ACVR1C: variants seen among roughly 807,000 people sequenced by gnomAD.
The protein encoded by ACVR1C is activin receptor type-1C.
A neutral mutation model predicts 57.9 loss-of-function variants in ACVR1C; 23 were observed. The observed-to-expected ratio is 0.40, with a 90% CI of 0.29 to 0.56. The LOEUF is 0.56. ACVR1C is among the 20% of genes least tolerant of loss of function. ACVR1C has a pLI of 0.50. For synonymous variants in ACVR1C, 214 were observed against 215.3 expected (o/e 0.99, Z 0.05); for missense variants, 480 against 607.9 (o/e 0.79, Z 2.21).
intron 1 of ACVR1C, among the ~76,000 whole-genome samples, chr2:157,605,756 A>G (rs554110098): frequency 5.9e-5 from 9 of 151,806 alleles, no homozygotes; most frequent in Non-Finnish European, 1.2e-4. Context: ...TAGTCAAGTC[A>G]GGGTATCTAT....
intron 4 of ACVR1C, among the ~76,000 whole-genome samples, chr2:157,545,928 C>G (rs1687745457): frequency 6.6e-6 from 1 of 152,104 alleles, no homozygotes; most frequent in South Asian, 2.1e-4. Context: ...GCATCTGCCA[C>G]CAAGCCCAGC....
intron 2 of ACVR1C, among the ~76,000 whole-genome samples, chr2:157,562,305 A>AATAT (rs1553482192): frequency 3.0e-5 from 4 of 134,778 alleles, no homozygotes; most frequent in African/African-American, 5.5e-5. Flanking sequence ...AAAAAAAAAA[A>AATAT]ATATATATAT....
At chr2:157,586,980 T>A (rs1007283379) in intron 2 of ACVR1C, among the ~76,000 whole-genome samples, 1 of 152,178 alleles carries the variant, frequency 6.6e-6, no homozygotes, top group Non-Finnish European at 1.5e-5. Flanking sequence ...ATTGTTACGT[T>A]ATTGTCAATG....
At chr2:157,614,895 T>C (rs758008513) in intron 1 of ACVR1C, among the ~76,000 whole-genome samples, 48 of 152,324 alleles carry the variant, frequency 3.2e-4, no homozygotes, top group Non-Finnish European at 4.1e-4. Context: ...AGTGCATTTC[T>C]TATATTAAAG....
intron 1 of ACVR1C, among the ~76,000 whole-genome samples, chr2:157,610,399 G>C (rs570785752): frequency 6.6e-6 from 1 of 152,142 alleles, no homozygotes; most frequent in Non-Finnish European, 1.5e-5. Context: ...GGTTTCTGTT[G>C]AAAATTCAGC....
At chr2:157,552,340 C>G (rs1413183375) in intron 3 of ACVR1C, among the ~76,000 whole-genome samples, 1 of 152,152 alleles carries the variant, frequency 6.6e-6, no homozygotes, top group Admixed American at 6.5e-5. Flanking sequence ...ACCATGTTGG[C>G]CAGGCTGGTC....
chr2:157,544,329 G>A, intron 5 of ACVR1C, 116 bp downstream of exon 5: 2 of 1,038,116 alleles, frequency 1.9e-6, no homozygotes, highest in Non-Finnish European at 2.6e-6. Flanking sequence ...ATGGGTATAA[G>A]CCACCGTGCC....
intron 5 of ACVR1C, 48 bp from the exon 6 acceptor site, chr2:157,542,910 GT>G: frequency 6.4e-7 from 1 of 1,558,690 alleles, no homozygotes; most frequent in South Asian, 1.2e-5. Context: ...ACCGGAGACT[GT>G]TCAAGAGAAA....
At chr2:157,608,223 T>A (rs1682451031) in intron 1 of ACVR1C, among the ~76,000 whole-genome samples, 1 of 152,008 alleles carries the variant, frequency 6.6e-6, no homozygotes, top group African/African-American at 2.4e-5. Flanking sequence ...AAATACTTTT[T>A]CTGCATCTGT....
chr2:157,565,562 A>G (rs1437924143), intron 2 of ACVR1C, among the ~76,000 whole-genome samples: 1 of 152,178 alleles, frequency 6.6e-6, no homozygotes, highest in Non-Finnish European at 1.5e-5. Context: ...AACCTTATAT[A>G]CTGAATAAGG....
At chr2:157,587,062 T>C in intron 2 of ACVR1C, 125 bp downstream of exon 2, 2 of 914,770 alleles carry the variant, frequency 2.2e-6, no homozygotes, top group Non-Finnish European at 3.2e-6. Context: ...CCAGCCAAAA[T>C]CAAAAAGAGA....
chr2:157,544,229 G>A (rs377301754), intron 5 of ACVR1C, among the ~76,000 whole-genome samples: 6 of 138,482 alleles, frequency 4.3e-5, no homozygotes, highest in African/African-American at 1.6e-4. Context: ...TTTTTTGGTA[G>A]AGATGGAGAT....
At chr2:157,573,303 TCAGAA>T (rs1316242320) in intron 2 of ACVR1C, among the ~76,000 whole-genome samples, 1 of 152,128 alleles carries the variant, frequency 6.6e-6, no homozygotes, top group Non-Finnish European at 1.5e-5. Context: ...TTTACGCAAT[TCAGAA>T]CAGAACAGGA....
chr2:157,588,596 C>T (rs1171426082), intron 1 of ACVR1C, among the ~76,000 whole-genome samples: 1 of 145,898 alleles, frequency 6.9e-6, no homozygotes, highest in Non-Finnish European at 1.5e-5. Flanking sequence ...CTCCCACCCT[C>T]CCCCACCTCC....
In ACVR1C at chr2:157,567,285, TGGAAACTCTAAAACAC is replaced by T. The variant is rs1331346808; in HGVS notation, c.305-10969_305-10954del. On this transcript the variant is annotated intron_variant, in intron 2 of 8. Coordinates refer to ENST00000243349, the MANE Select transcript of ACVR1C (RefSeq NM_145259.3). The stretch of plus-strand genomic sequence containing the variant: ...TGGGGAAAAAACAGAACAGAAAAAC[TGGAAACTCTAAAACAC>T]CGAGCACCTCTCCTCCTCCAAAGGA... Among the ~76,000 whole-genome samples, 9 of 105,002 alleles carry T rather than the reference TGGAAACTCTAAAACAC, an allele frequency of 8.6e-5. 2 individuals carry two copies. Among genetic ancestry groups the T allele is most frequent in the Admixed American group, 8.3e-4 (9 of 10,806 alleles). 68.9% of individuals were successfully genotyped at this position (105,002 alleles called of 152,430 possible). A position where few individuals can be genotyped will look rare whatever the true frequency, so the allele number is the denominator to read the frequency against.
Position 157,577,144 on chromosome 2 carries a change from C to T in ACVR1C, c.304+10043G>A, listed in dbSNP as rs1402590692. Among the ~76,000 whole-genome samples the T allele has an allele frequency of 4.6e-5, 7 of 151,074 alleles. 2 individuals carry two copies. In the East Asian group the frequency reaches 1.4e-3, roughly 29 times the overall value. ...TGCTGGGATTACAGGCGTGAGCCAC[C>T]GCGCCCGGCCTGAAATTTTCTTAAT... On this transcript the variant is annotated intron_variant, in intron 2 of 8. Coordinates refer to ENST00000243349, the MANE Select transcript of ACVR1C (RefSeq NM_145259.3).
In ACVR1C at chr2:157,529,776, A is replaced by AATAATGAAATAT. The variant is rs1240893905; in HGVS notation, c.*4130_*4141dup. 1 of 152,114 alleles carries AATAATGAAATAT rather than the reference A, an allele frequency of 6.6e-6. No homozygotes were observed. Among genetic ancestry groups the AATAATGAAATAT allele is most frequent in the East Asian group, 1.9e-4 (1 of 5,202 alleles). 9.4% of individuals were successfully genotyped at this position (152,114 alleles called of 1,614,324 possible). A position where few individuals can be genotyped will look rare whatever the true frequency, so the allele number is the denominator to read the frequency against. ...GAATATTAAGAAAAAAAGTGAGAAA[A>AATAATGAAATAT]ATAATGAAATATAAAGCAAGGCTAG... On this transcript the variant is annotated 3_prime_UTR_variant, in exon 9 of 9. Coordinates refer to ENST00000243349, the MANE Select transcript of ACVR1C (RefSeq NM_145259.3).
chr2:157,587,743 C>T (rs1377801334), intron 1 of ACVR1C, among the ~76,000 whole-genome samples: 1 of 151,904 alleles, frequency 6.6e-6, no homozygotes, highest in Non-Finnish European at 1.5e-5. Context: ...CTAGGAAATG[C>T]TAGGAAACAG....
chr2:157,544,202 ATTTTTTTT>A (rs765521635), intron 5 of ACVR1C, among the ~76,000 whole-genome samples: 3 of 116,960 alleles, frequency 2.6e-5, no homozygotes, highest in Non-Finnish European at 3.6e-5. Context: ...CCACAACCAG[ATTTTTTTT>A]TTTTTTTTTT....
Sources: gnomAD v4.1 joint callset for allele counts (sites outside exome capture counted in the v4.1 genomes callset) on GRCh38, gnomAD v4.1.1 for gene constraint, MANE v1.5 for transcripts, NCBI Gene and HGNC (gene_info 2026-07-23, HGNC 2026-07-21) for gene names.